ZDHHC11: variants seen among roughly 807,000 people sequenced by gnomAD.
The protein encoded by ZDHHC11 is zDHHC palmitoyltransferase 11.
In ZDHHC11, 44 loss-of-function variants were observed where a neutral mutation model predicts 51.3. The observed-to-expected ratio is 0.86, with a 90% confidence interval of 0.67 to 1.10. The LOEUF is 1.10. Ranked by LOEUF, ZDHHC11 falls within the 50% of genes least tolerant of loss-of-function variation. ZDHHC11 has a pLI of 0.00. For synonymous variants in ZDHHC11, 163 were observed against 222.0 expected, an observed-to-expected ratio of 0.73 and a Z score of 2.36; for missense variants, 400 against 537.7, an observed-to-expected ratio of 0.74 and a Z score of 2.53.
chr5:851,316 T>TG (rs1022020215), upstream of ZDHHC11, among the ~76,000 whole-genome samples: 6 of 146,984 alleles, frequency 4.1e-5, no homozygotes, highest in Non-Finnish European at 6.0e-5. Context: ...ACGCTGCGGC[T>TG]GCTCCTGGCC....
chr5:799,418 A>G (rs1399963521), intron 12 of ZDHHC11, among the ~76,000 whole-genome samples: 3 of 151,532 alleles, frequency 2.0e-5, no homozygotes, highest in African/African-American at 4.8e-5. Context: ...ATTTTTCTTT[A>G]TAAATTACCC....
chr5:816,341 G>GAC (rs1331364204), intron 10 of ZDHHC11: 2 of 354,436 alleles, frequency 5.6e-6, no homozygotes, highest in Non-Finnish European at 1.1e-5. Context: ...CTCAGAGGCG[G>GAC]ACAGATGGCG....
At position 850,468 on chromosome 5, in the gene ZDHHC11, G is replaced by T; in HGVS notation, c.135C>A (p.Thr45=). 1 of 1,613,682 alleles carries T rather than the reference G, an allele frequency of 6.2e-7. No individual in the cohort carries two copies. Among genetic ancestry groups the T allele is most frequent in the Non-Finnish European group, 8.5e-7 (1 of 1,180,020 alleles). The change falls in exon 1 of 13, where the codon ACC becomes ACA. Residue 45 remains threonine, a synonymous_variant. Coordinates refer to ENST00000283441, the MANE Select transcript of ZDHHC11 (RefSeq NM_024786.3). ...AGGAAAGGCCCACGAAGACAGCCCAGGTCACCACCTGGAAGTAGTGCAGGG... is the reference window on the plus strand; with the variant it reads ...AGGAAAGGCCCACGAAGACAGCCCATGTCACCACCTGGAAGTAGTGCAGGG... ...SLPLHYFQVV[T]WAVFVGLSSA...
At chr5:828,050 T>G (rs1430371845) in intron 7 of ZDHHC11, among the ~76,000 whole-genome samples, 3 of 151,134 alleles carry the variant, frequency 2.0e-5, no homozygotes, top group Non-Finnish European at 4.4e-5. Flanking sequence ...GAGCACAGGG[T>G]TGGGGGTAAG....
chr5:842,950 G>A (rs1745281363), intron 4 of ZDHHC11, among the ~76,000 whole-genome samples: 1 of 152,244 alleles, frequency 6.6e-6, no homozygotes, highest in African/African-American at 2.4e-5. Flanking sequence ...GCTGGATTTG[G>A]GCCCCCTGGG....
At chr5:836,302 C>T (rs7708027) in intron 6 of ZDHHC11, among the ~76,000 whole-genome samples, 4,235 of 149,930 alleles carry the variant, frequency 0.028, 190 homozygotes, top group African/African-American at 0.099. Context: ...ATTGGACTAA[C>T]GTGCTGAGCT....
At position 836,653 on chromosome 5, in the gene ZDHHC11, G is replaced by A. The variant is rs1217061289; in HGVS notation, c.900+712C>T. ...TTCTTCACTGGGAGATTTTAAATTAGTAGTTTAGTCTCTTGGCTGTTCTAT... is the reference window on the plus strand; with the variant it reads ...TTCTTCACTGGGAGATTTTAAATTAATAGTTTAGTCTCTTGGCTGTTCTAT... On this transcript the variant is annotated intron_variant, in intron 6 of 12. Coordinates refer to ENST00000283441, the MANE Select transcript of ZDHHC11 (RefSeq NM_024786.3). Among the ~76,000 whole-genome samples, 5 of 149,550 alleles carry A rather than the reference G, an allele frequency of 3.3e-5. 1 individual carries two copies. The highest frequency in any genetic ancestry group is 6.6e-5 in the Admixed American group (1 of 15,086).
upstream of ZDHHC11, among the ~76,000 whole-genome samples, chr5:854,813 C>T (rs1162777638): frequency 1.4e-5 from 2 of 138,758 alleles, no homozygotes; most frequent in East Asian, 2.3e-4. Context: ...ACAGACCCCA[C>T]AGAGGACAGC....
upstream of ZDHHC11, among the ~76,000 whole-genome samples, chr5:855,865 G>A (rs562064812): frequency 2.2e-4 from 30 of 134,504 alleles, no homozygotes; most frequent in African/African-American, 7.7e-4. Context: ...GACAGCGAGC[G>A]AGGGGCACAG....
intron 3 of ZDHHC11, among the ~76,000 whole-genome samples, chr5:844,718 G>A: frequency 6.6e-6 from 1 of 152,426 alleles, no homozygotes; most frequent in Admixed American, 6.5e-5. Flanking sequence ...CCCTGGAGGA[G>A]CCCGGCCACA....
chr5:837,734 T>A (rs112730395), intron 5 of ZDHHC11, among the ~76,000 whole-genome samples: 2 of 151,788 alleles, frequency 1.3e-5, no homozygotes, highest in African/African-American at 4.8e-5. Context: ...CCCACGCCCC[T>A]GCCGCCTGCC....
upstream of ZDHHC11, among the ~76,000 whole-genome samples, chr5:854,435 A>G (rs72708941): frequency 0.035 from 5,078 of 144,492 alleles, 115 homozygotes; most frequent in Non-Finnish European, 0.05. Flanking sequence ...TACAGAGGAC[A>G]GAGAGCCGGG....
intron 4 of ZDHHC11, chr5:841,683 C>T: frequency 1.0e-6 from 1 of 990,952 alleles, no homozygotes; most frequent in Non-Finnish European, 1.2e-6. Context: ...CAGCTCTCGC[C>T]TGGGGTCATT....
At chr5:846,898 CA>C (rs1267797647) in intron 3 of ZDHHC11, among the ~76,000 whole-genome samples, 6 of 150,382 alleles carry the variant, frequency 4.0e-5, no homozygotes, top group African/African-American at 1.5e-4. Context: ...AAACACCTCT[CA>C]TCCTTGCGCC....
chr5:842,848 C>T (rs575186483), intron 4 of ZDHHC11, among the ~76,000 whole-genome samples: 78 of 151,962 alleles, frequency 5.1e-4, no homozygotes, highest in African/African-American at 1.2e-3. Flanking sequence ...CCGGCGACCC[C>T]GGGCTGTGGC....
At chr5:833,943 A>C (rs1743409676) in intron 6 of ZDHHC11, 136 bp from the exon 7 acceptor site, 1 of 623,736 alleles carries the variant, frequency 1.6e-6, no homozygotes, top group Non-Finnish European at 2.9e-6. Context: ...CTGAGTTCAG[A>C]TCTCAGAACC....
upstream of ZDHHC11, among the ~76,000 whole-genome samples, chr5:852,055 CAA>C (rs111722785): frequency 2.4e-4 from 26 of 106,840 alleles, no homozygotes; most frequent in Non-Finnish European, 2.7e-4. Flanking sequence ...GACTCCATCT[CAA>C]AAAAAAAAAA....
At chr5:797,419 A>G (rs574764941) in intron 12 of ZDHHC11, among the ~76,000 whole-genome samples, 110 of 151,714 alleles carry the variant, frequency 7.3e-4, no homozygotes, top group African/African-American at 2.1e-3. Flanking sequence ...TTCTCTTTCT[A>G]GGACTCTAAA....
intron 4 of ZDHHC11, chr5:841,065 T>C (rs1365698873): frequency 5.1e-6 from 5 of 975,714 alleles, no homozygotes; most frequent in Non-Finnish European, 6.0e-6. Flanking sequence ...CCTTCCTCAC[T>C]AAGTGCCGGG....
Sources: allele counts gnomAD v4.1 joint callset (sites outside exome capture counted in the v4.1 genomes callset), GRCh38; gene constraint gnomAD v4.1.1; transcripts MANE v1.5; gene names NCBI Gene and HGNC (gene_info 2026-07-23, HGNC 2026-07-21).